Variants in LRRC4C observed in about 807,000 individuals in gnomAD.
LRRC4C encodes the protein leucine-rich repeat-containing protein 4C.
Under a neutral mutation model 33.6 loss-of-function variants are expected in LRRC4C, and 5 were observed. That is an observed-to-expected ratio of 0.15 (90% CI 0.08 to 0.31). The LOEUF is 0.31. Among genes scored for constraint, LRRC4C ranks in the 10% least tolerant of loss-of-function variants. The pLI is 1.00. For missense variants in LRRC4C, 560 were observed against 796.7 expected (o/e 0.70, Z 3.58); for synonymous variants, 329 against 302.0 (o/e 1.09, Z -0.93).
At chr11:40,436,258 CAGAA>C (rs1262907458) in intron 3 of LRRC4C, among the ~76,000 whole-genome samples, 1 of 152,092 alleles carries the variant, frequency 6.6e-6, no homozygotes, top group Non-Finnish European at 1.5e-5. Flanking sequence ...TAAATATAAA[CAGAA>C]AGCTTTGGGA....
intron 2 of LRRC4C, among the ~76,000 whole-genome samples, chr11:40,842,167 G>A (rs1288222443): frequency 1.3e-5 from 2 of 152,018 alleles, no homozygotes; most frequent in East Asian, 1.9e-4. Context: ...TTGTCTTTAG[G>A]GGACAGTGAA....
At chr11:41,272,775 A>C (rs969692590) in intron 1 of LRRC4C, among the ~76,000 whole-genome samples, 1 of 152,152 alleles carries the variant, frequency 6.6e-6, no homozygotes, top group African/African-American at 2.4e-5. Flanking sequence ...ACTTTTGTAC[A>C]TTTATGCCAA....
chr11:40,840,181 A>G (rs1308195128), intron 2 of LRRC4C, among the ~76,000 whole-genome samples: 1 of 152,206 alleles, frequency 6.6e-6, no homozygotes, highest in Non-Finnish European at 1.5e-5. Flanking sequence ...TTACAGTGGC[A>G]ATAATCAACA....
At chr11:40,273,196 G>C (rs1050784053) in intron 4 of LRRC4C, among the ~76,000 whole-genome samples, 1 of 152,080 alleles carries the variant, frequency 6.6e-6, no homozygotes, top group African/African-American at 2.4e-5. Context: ...GAGGAAGTCT[G>C]GTTCCCTGAA....
intron 1 of LRRC4C, among the ~76,000 whole-genome samples, chr11:41,288,025 G>T (rs776571062): frequency 6.6e-6 from 1 of 152,170 alleles, no homozygotes; most frequent in Non-Finnish European, 1.5e-5. Flanking sequence ...CACATTAAAT[G>T]CTGGGCCAGT....
chr11:40,253,268 C>A (rs1047839601), intron 4 of LRRC4C, among the ~76,000 whole-genome samples: 1 of 152,164 alleles, frequency 6.6e-6, no homozygotes, highest in Non-Finnish European at 1.5e-5. Flanking sequence ...TTTGACTTTA[C>A]AATGGCATAT....
chr11:41,051,358 C>G (rs1490290192), intron 1 of LRRC4C, among the ~76,000 whole-genome samples: 1 of 151,704 alleles, frequency 6.6e-6, no homozygotes, highest in African/African-American at 2.4e-5. Flanking sequence ...CTTAACAAAT[C>G]TTATTTTCAC....
intron 3 of LRRC4C, among the ~76,000 whole-genome samples, chr11:40,496,527 T>A (rs180918724): frequency 3.3e-4 from 51 of 152,282 alleles, no homozygotes; most frequent in African/African-American, 1.1e-3. Context: ...TATTATTATT[T>A]TTTTTAATCA....
At chr11:40,216,965 G>A (rs1864022946) in intron 5 of LRRC4C, among the ~76,000 whole-genome samples, 2 of 152,152 alleles carry the variant, frequency 1.3e-5, no homozygotes, top group African/African-American at 4.8e-5. Flanking sequence ...GAAGTCATTA[G>A]GCAGCTAATT....
At chr11:41,395,241 T>A (rs1004467052) in intron 1 of LRRC4C, among the ~76,000 whole-genome samples, 8 of 152,004 alleles carry the variant, frequency 5.3e-5, no homozygotes, top group Admixed American at 3.9e-4. Context: ...ACCTCTTGTG[T>A]ACACCAATAA....
At chr11:41,101,167 C>T (rs1311473842) in intron 1 of LRRC4C, among the ~76,000 whole-genome samples, 7 of 152,102 alleles carry the variant, frequency 4.6e-5, no homozygotes, top group African/African-American at 1.7e-4. Flanking sequence ...TCTAATAAAA[C>T]TTAAGAGCTT....
intron 3 of LRRC4C, among the ~76,000 whole-genome samples, chr11:40,407,020 A>AT (rs901398801): frequency 6.6e-6 from 1 of 151,752 alleles, no homozygotes; most frequent in Non-Finnish European, 1.5e-5. Flanking sequence ...TTGCAAAGGC[A>AT]TTTTTTTTGT....
chr11:41,092,389 A>G, intron 1 of LRRC4C, among the ~76,000 whole-genome samples: 1 of 152,186 alleles, frequency 6.6e-6, no homozygotes, highest in East Asian at 1.9e-4. Flanking sequence ...TGCCACAGGC[A>G]CTTAATCACT....
intron 1 of LRRC4C, among the ~76,000 whole-genome samples, chr11:41,044,610 T>C (rs1490549295): frequency 6.6e-6 from 1 of 152,108 alleles, no homozygotes; most frequent in Non-Finnish European, 1.5e-5. Flanking sequence ...GCTATGCTCA[T>C]AAATTATAAA....
chr11:40,337,541 G>A (rs1012670436), intron 3 of LRRC4C, among the ~76,000 whole-genome samples: 1 of 151,916 alleles, frequency 6.6e-6, no homozygotes, highest in Non-Finnish European at 1.5e-5. Flanking sequence ...TACACCATAA[G>A]GTCAATAATC....
chr11:41,391,247 A>G (rs1302539364), intron 1 of LRRC4C, among the ~76,000 whole-genome samples: 3 of 151,852 alleles, frequency 2.0e-5, no homozygotes, highest in Non-Finnish European at 2.9e-5. Flanking sequence ...ATGGAAATCT[A>G]CACTAAATAC....
chr11:40,324,571 C>A (rs1222991685), intron 3 of LRRC4C, among the ~76,000 whole-genome samples: 2 of 152,210 alleles, frequency 1.3e-5, no homozygotes, highest in African/African-American at 4.8e-5. Context: ...ACTAACTATG[C>A]ACCAGGGATA....
At chr11:40,514,764 A>G (rs1955494805) in intron 3 of LRRC4C, among the ~76,000 whole-genome samples, 1 of 152,126 alleles carries the variant, frequency 6.6e-6, no homozygotes, top group Non-Finnish European at 1.5e-5. Context: ...GTAGACAACC[A>G]AAACAGGGAA....
chr11:40,384,978 T>G (rs1482272349), intron 3 of LRRC4C, among the ~76,000 whole-genome samples: 1 of 152,214 alleles, frequency 6.6e-6, no homozygotes, highest in East Asian at 1.9e-4. Context: ...ATTTTGCATA[T>G]TTTTGTATTG....
Sources: gnomAD v4.1 joint callset for allele counts (sites outside exome capture counted in the v4.1 genomes callset) on GRCh38, gnomAD v4.1.1 for gene constraint, MANE v1.5 for transcripts, NCBI Gene and HGNC (gene_info 2026-07-23, HGNC 2026-07-21) for gene names.